Variants in FMN1 observed in about 807,000 individuals in gnomAD.
FMN1 encodes formin 1, also known as formin-1.
Under a neutral mutation model 132.4 loss-of-function variants are expected in FMN1, and 110 were observed. The ratio of observed to expected loss-of-function variants is 0.83; its 90% CI spans 0.71 to 0.97. The LOEUF is 0.97. FMN1 is among the 50% of genes least tolerant of loss of function. FMN1 has a pLI of 0.00. For synonymous variants in FMN1, 722 were observed against 651.7 expected, an observed-to-expected ratio of 1.11 and a Z score of -1.64; for missense variants, 1,792 against 1,705.3, an observed-to-expected ratio of 1.05 and a Z score of -0.90.
In FMN1 at chr15:33,068,556, CAAATT is replaced by C. The variant is rs141264163; in HGVS notation, c.2044-3487_2044-3483del. Among the ~76,000 whole-genome samples the C allele has an allele frequency of 9.5e-4, 144 of 152,234 alleles. 1 individual carries two copies. Among genetic ancestry groups the C allele is most frequent in the African/African-American group, 3.2e-3 (135 of 41,542 alleles). ...ACTTACGAAGCCGCAATCAAGGAAACAAATTAAAGAAAGCAATAGATCATCTCAAA... is the reference window on the plus strand; with the variant it reads ...ACTTACGAAGCCGCAATCAAGGAAACAAAGAAAGCAATAGATCATCTCAAA... On this transcript the variant is annotated intron_variant, in intron 5 of 20. Coordinates refer to ENST00000616417, the MANE Select transcript of FMN1 (RefSeq NM_001277313.2).
At chr15:33,066,442 G>T in intron 5 of FMN1, 1 of 1,297,960 alleles carries the variant, frequency 7.7e-7, no homozygotes, top group Non-Finnish European at 1.0e-6. Context: ...TTCACTTTGG[G>T]AGGAAACCTG....
rs1250153995 is a variant in FMN1, at chr15:33,154,784, T to C, written c.131A>G (p.Asn44Ser). The change falls in exon 4 of 21, where the codon AAT (asparagine) becomes AGT (serine). Residue 44 changes from asparagine to serine, a missense_variant. Physicochemically the swap from Asn to Ser is conservative, Grantham distance 46. Transcript: ENST00000616417. ...YKGTVTLDRSNKGFHNCYQVR... is the reference protein window; with the variant it reads ...YKGTVTLDRSSKGFHNCYQVR... ...TTGGTAGCAGTTATGAAAACCTTTA[T>C]TGGATCTGTCTAGAGTTACAGTGCC... is the stretch of plus-strand genomic sequence containing the variant. 1 of 1,536,032 alleles carries C rather than the reference T, an allele frequency of 6.5e-7. No individual in the cohort carries two copies. Among genetic ancestry groups the C allele is most frequent in the South Asian group, 1.2e-5 (1 of 84,058 alleles).
chr15:33,052,723 T>C (rs571112488), intron 6 of FMN1, among the ~76,000 whole-genome samples: 3 of 152,330 alleles, frequency 2.0e-5, no homozygotes, highest in Non-Finnish European at 4.4e-5. Flanking sequence ...AAAGCCAAGC[T>C]GTAAGTTAAA....
chr15:32,884,918 C>T (rs1460795909), intron 16 of FMN1, among the ~76,000 whole-genome samples: 1 of 152,236 alleles, frequency 6.6e-6, no homozygotes, highest in Non-Finnish European at 1.5e-5. Context: ...GCTGATTATA[C>T]AGGCTGTGCA....
chr15:33,076,465 G>C (rs1222164531), intron 5 of FMN1, among the ~76,000 whole-genome samples: 1 of 151,994 alleles, frequency 6.6e-6, no homozygotes, highest in Non-Finnish European at 1.5e-5. Context: ...CAAAGATCCA[G>C]GTATCATTTC....
intron 17 of FMN1, among the ~76,000 whole-genome samples, chr15:32,817,432 T>C (rs2058089348): frequency 1.3e-5 from 2 of 152,154 alleles, no homozygotes; most frequent in African/African-American, 4.8e-5. Flanking sequence ...GGGTTTGTCA[T>C]AGCTGGAGGT....
rs748513892 is a variant in FMN1 at position 32,901,954 on chromosome 15, G to A, written c.3464C>T (p.Thr1155Ile). 4 of 1,613,380 alleles carry A rather than the reference G, an allele frequency of 2.5e-6. No homozygotes were observed. Among genetic ancestry groups the A allele is most frequent in the Admixed American group, 1.7e-5 (1 of 59,982 alleles). The change falls in exon 13 of 21, where the codon ACC becomes ATC. Residue 1155 changes from threonine to isoleucine, a missense_variant. Thr to Ile is a moderately conservative substitution (Grantham distance 89). This residue lies in a region of FMN1 where 1,150 missense variants were observed against 1,043.1 expected (regional missense o/e 1.10). Coordinates refer to ENST00000616417, the MANE Select transcript of FMN1 (RefSeq NM_001277313.2). Reference protein sequence around the residue: ...IFRSVFSEGITSLHRKVEIIT... With the variant: ...IFRSVFSEGIISLHRKVEIIT... ...GATCTCTACCTTTCTGTGCAAGGAG[G>A]TGATACCCTCAGAAAAGACAGATCT...
At chr15:33,060,395 G>A (rs774703775) in intron 6 of FMN1, among the ~76,000 whole-genome samples, 33 of 152,208 alleles carry the variant, frequency 2.2e-4, no homozygotes, top group Non-Finnish European at 3.7e-4. Flanking sequence ...CAGGAAGGGT[G>A]GCAAATAGCT....
At chr15:32,968,099 G>A (rs1197362078) in intron 8 of FMN1, among the ~76,000 whole-genome samples, 1 of 152,214 alleles carries the variant, frequency 6.6e-6, no homozygotes, top group South Asian at 2.1e-4. Context: ...TCCACATACT[G>A]ACACTTTCTC....
intron 6 of FMN1, among the ~76,000 whole-genome samples, chr15:33,053,213 A>G (rs1595362031): frequency 6.6e-6 from 1 of 152,330 alleles, no homozygotes; most frequent in East Asian, 1.9e-4. Context: ...TGGGCTGCTA[A>G]CACACCACCA....
chr15:33,030,223 A>G (rs924736231), intron 6 of FMN1, among the ~76,000 whole-genome samples: 8 of 152,232 alleles, frequency 5.3e-5, no homozygotes, highest in Non-Finnish European at 1.2e-4. Context: ...GTAGATGCAG[A>G]TAGTATTAGC....
intron 16 of FMN1, among the ~76,000 whole-genome samples, chr15:32,875,334 G>A (rs2059613430): frequency 6.6e-6 from 1 of 151,852 alleles, no homozygotes; most frequent in East Asian, 1.9e-4. Flanking sequence ...CCATCTACAG[G>A]AAAGTTCTAG....
At chr15:33,003,333 A>G (rs539901080) in intron 7 of FMN1, among the ~76,000 whole-genome samples, 1 of 152,340 alleles carries the variant, frequency 6.6e-6, no homozygotes, top group African/African-American at 2.4e-5. Context: ...CCTTAAGCTG[A>G]TAAGCAACTT....
rs201366333 is a variant in FMN1 at position 32,880,292 on chromosome 15, AT to A, written c.3835+7879del. Among the ~76,000 whole-genome samples the A allele has an allele frequency of 5.3e-5, 8 of 151,614 alleles. No individual in the cohort carries two copies. The East Asian group carries it at 5.8e-4, about 11-fold the overall frequency. On this transcript the variant is annotated intron_variant, in intron 16 of 20. Transcript: ENST00000616417. Reference sequence around the variant, plus strand: ...TCTTTCTCTCACACTTGCTCTCAGAATTTTTTTTTCTGATTTAGTTTGTTTT... The same window carrying A: ...TCTTTCTCTCACACTTGCTCTCAGAATTTTTTTTCTGATTTAGTTTGTTTT...
chr15:32,988,835 C>T (rs1430575459), intron 7 of FMN1, among the ~76,000 whole-genome samples: 1 of 151,032 alleles, frequency 6.6e-6, no homozygotes, highest in Non-Finnish European at 1.5e-5. Context: ...CCCTTTAGCT[C>T]CCCATCTATA....
chr15:33,058,068 GTGGTGGAAAGGTGTGATGGGGGTGC>G (rs1000240237), intron 6 of FMN1, among the ~76,000 whole-genome samples: 2 of 150,234 alleles, frequency 1.3e-5, no homozygotes, highest in African/African-American at 4.9e-5. Flanking sequence ...GGTGGGGCTG[GTGGTGGAAAGGTGTGATGGGGGTGC>G]TGGTGGAAAG....
chr15:32,979,896 G>T (rs769577699), intron 7 of FMN1, among the ~76,000 whole-genome samples: 21 of 152,302 alleles, frequency 1.4e-4, no homozygotes, highest in Middle Eastern at 6.8e-3. Context: ...AAGCAAGGAG[G>T]TATTTGGCTT....
At chr15:33,022,579 T>C (rs2035466008) in intron 6 of FMN1, among the ~76,000 whole-genome samples, 1 of 152,134 alleles carries the variant, frequency 6.6e-6, no homozygotes, top group African/African-American at 2.4e-5. Flanking sequence ...CAATGAAAAT[T>C]ATAACATAAA....
intron 14 of FMN1, 115 bp from the exon 15 acceptor site, chr15:32,899,008 C>T: frequency 1.4e-6 from 1 of 702,842 alleles, no homozygotes; most frequent in East Asian, 2.6e-5. Context: ...CTGGCTTTCT[C>T]TTCGATGCTG....
Sources: gnomAD v4.1 joint callset for allele counts (sites outside exome capture counted in the v4.1 genomes callset) on GRCh38, gnomAD v4.1.1 for gene constraint, gnomAD v4.1.1 regional missense constraint, MANE v1.5 for transcripts, NCBI Gene and HGNC (gene_info 2026-07-23, HGNC 2026-07-21) for gene names.